RNF216: variants seen among roughly 807,000 people sequenced by gnomAD.
RNF216 encodes the protein ring finger protein 216.
A neutral mutation model predicts 110.8 loss-of-function variants in RNF216; 72 were observed. The observed-to-expected ratio is 0.65, with a 90% confidence interval of 0.54 to 0.79. The LOEUF (loss-of-function observed/expected upper bound fraction) is 0.79, where lower values mean the gene tolerates loss of function less well. Ranked by LOEUF, RNF216 falls within the 30% of genes least tolerant of loss-of-function variation. The pLI is 0.00. For missense variants in RNF216, 1,342 were observed against 1,141.2 expected, an observed-to-expected ratio of 1.18 and a Z score of -2.54; for synonymous variants, 495 against 407.5, an observed-to-expected ratio of 1.21 and a Z score of -2.59.
At chr7:5,686,224 T>TA (rs71971690) in intron 13 of RNF216, among the ~76,000 whole-genome samples, 6,406 of 111,572 alleles carry the variant, frequency 0.057, 293 homozygotes, top group African/African-American at 0.11. Context: ...ACTCTGTTAT[T>TA]AAAAAAAAAA....
At chr7:5,670,734 T>C (rs532671343) in intron 13 of RNF216, among the ~76,000 whole-genome samples, 4 of 152,272 alleles carry the variant, frequency 2.6e-5, no homozygotes, top group African/African-American at 9.6e-5. Context: ...TATGTTGAAA[T>C]GTGACTTCCC....
At position 5,641,298 on chromosome 7, in the gene RNF216, G is replaced by A. The variant is rs138573381; in HGVS notation, c.2238C>T (p.Asn746=). The change falls in exon 15 of 17, where the codon AAC becomes AAT. Residue 746 remains asparagine, a synonymous_variant. Transcript: ENST00000389902. ...GTGLIKSEGC[N]RMSCRCGAQM... ...GGGCACCACAGCGGCAAGACATGCG[G>A]TTGCAGCCTTCAGATTTGATGAGGC... The A allele has an allele frequency of 2.0e-5, 33 of 1,614,184 alleles. 1 individual carries two copies. The African/African-American group carries it at 2.3e-4, about 11-fold the overall frequency.
At chr7:5,636,589 G>A (rs1378954248) in intron 15 of RNF216, among the ~76,000 whole-genome samples, 2 of 152,246 alleles carry the variant, frequency 1.3e-5, no homozygotes, top group East Asian at 3.9e-4. Flanking sequence ...TTGTTTCACT[G>A]AACTTCTGAA....
intron 13 of RNF216, among the ~76,000 whole-genome samples, chr7:5,700,933 T>C (rs754485925): frequency 3.1e-4 from 47 of 152,292 alleles, no homozygotes; most frequent in Non-Finnish European, 5.7e-4. Flanking sequence ...AGTTCTCTAG[T>C]ATAGCGTATC....
chr7:5,728,573 C>CA (rs534484429), intron 7 of RNF216, among the ~76,000 whole-genome samples: 1,498 of 128,742 alleles, frequency 0.012, 17 homozygotes, highest in East Asian at 0.021. Context: ...GACTCCGTCT[C>CA]AAAAAAAAAA....
intron 13 of RNF216, among the ~76,000 whole-genome samples, chr7:5,662,255 C>T (rs1019064300): frequency 2.0e-5 from 3 of 152,160 alleles, no homozygotes; most frequent in Non-Finnish European, 2.9e-5. Flanking sequence ...AGACTGGACA[C>T]GTGTGAGGAA....
chr7:5,664,696 C>G (rs973309085), intron 13 of RNF216, among the ~76,000 whole-genome samples: 2 of 152,234 alleles, frequency 1.3e-5, no homozygotes, highest in East Asian at 1.9e-4. Flanking sequence ...CAAGGGTAGG[C>G]TGCACGCTTC....
At chr7:5,646,607 C>T (rs553271300) in intron 14 of RNF216, among the ~76,000 whole-genome samples, 33 of 151,572 alleles carry the variant, frequency 2.2e-4, no homozygotes, top group South Asian at 1.5e-3. Context: ...GCAGGAGAAT[C>T]GCTTGAACCT....
intron 13 of RNF216, among the ~76,000 whole-genome samples, chr7:5,681,230 CT>C (rs1286844952): frequency 6.6e-6 from 1 of 152,202 alleles, no homozygotes; most frequent in African/African-American, 2.4e-5. Flanking sequence ...CATACTATGC[CT>C]AATGTAGGAA....
At chr7:5,689,556 C>A (rs1243945371) in intron 13 of RNF216, among the ~76,000 whole-genome samples, 1 of 151,954 alleles carries the variant, frequency 6.6e-6, no homozygotes, top group African/African-American at 2.4e-5. Flanking sequence ...TTTTCCTTTT[C>A]TCTTGGACTT....
At chr7:5,755,896 C>T (rs1481026586) in intron 2 of RNF216, among the ~76,000 whole-genome samples, 2 of 152,104 alleles carry the variant, frequency 1.3e-5, no homozygotes, top group Non-Finnish European at 2.9e-5. Flanking sequence ...ATTTACACTC[C>T]CATCTGCAGT....
intron 1 of RNF216, among the ~76,000 whole-genome samples, chr7:5,778,633 T>C (rs1562487574): frequency 6.6e-6 from 1 of 152,238 alleles, no homozygotes; most frequent in Admixed American, 6.6e-5. Context: ...TCACTAATTA[T>C]AGAAGGATAA....
intron 12 of RNF216, 87 bp from the exon 13 acceptor site, chr7:5,711,926 G>A (rs1410897080): frequency 8.5e-7 from 1 of 1,174,972 alleles, no homozygotes; most frequent in South Asian, 1.3e-5. Context: ...ATATGAAGAT[G>A]GAGTTTTGAG....
chr7:5,675,804 G>A (rs1790249047), intron 13 of RNF216, among the ~76,000 whole-genome samples: 1 of 150,012 alleles, frequency 6.7e-6, no homozygotes, highest in Non-Finnish European at 1.5e-5. Context: ...CCGCCTCCTG[G>A]GTTCAAGAGA....
chr7:5,752,678 G>C (rs563440263), intron 3 of RNF216, among the ~76,000 whole-genome samples, 168 bp downstream of exon 3: 1 of 152,314 alleles, frequency 6.6e-6, no homozygotes, highest in African/African-American at 2.4e-5. Context: ...GAAACAGACT[G>C]AAACATACAG....
At chr7:5,717,813 C>T (rs1199707785) in intron 9 of RNF216, among the ~76,000 whole-genome samples, 1 of 152,094 alleles carries the variant, frequency 6.6e-6, no homozygotes, top group East Asian at 1.9e-4. Context: ...GACAGAGTCT[C>T]ACTTTGTCGC....
chr7:5,630,198 G>A (rs4724711), intron 15 of RNF216, among the ~76,000 whole-genome samples: 13,517 of 152,120 alleles, frequency 0.089, 648 homozygotes, highest in South Asian at 0.13. Flanking sequence ...CTGCCTGGAT[G>A]GCAGGGTGAA....
At chr7:5,729,634 AG>A in intron 6 of RNF216, 38 bp from the exon 7 acceptor site, 1 of 1,551,524 alleles carries the variant, frequency 6.4e-7, no homozygotes, top group Non-Finnish European at 8.9e-7. Context: ...GAGGCCAGGC[AG>A]TACATTTCCC....
chr7:5,706,150 G>A (rs1372866706), intron 13 of RNF216, among the ~76,000 whole-genome samples: 2 of 151,036 alleles, frequency 1.3e-5, no homozygotes, highest in East Asian at 3.9e-4. Flanking sequence ...CACCCGGAAG[G>A]TGGAGGTTGC....
Sources: gnomAD v4.1 joint callset for allele counts (sites outside exome capture counted in the v4.1 genomes callset) on GRCh38, gnomAD v4.1.1 for gene constraint, MANE v1.5 for transcripts, NCBI Gene and HGNC (gene_info 2026-07-23, HGNC 2026-07-21) for gene names.